MACROD2: variants seen among roughly 807,000 people sequenced by gnomAD.
MACROD2 encodes mono-ADP ribosylhydrolase 2.
In MACROD2, 36 loss-of-function variants were observed where a neutral mutation model predicts 70.4. The ratio of observed to expected loss-of-function variants is 0.51; its 90% CI spans 0.39 to 0.68. The LOEUF is 0.68. MACROD2 is among the 30% of genes least tolerant of loss of function. MACROD2 has a pLI of 0.00. For synonymous variants in MACROD2, 172 were observed against 178.8 expected, an observed-to-expected ratio of 0.96 and a Z score of 0.30; for missense variants, 496 against 538.4, an observed-to-expected ratio of 0.92 and a Z score of 0.78.
At chr20:15,419,705 G>A (rs896645338) in intron 6 of MACROD2, among the ~76,000 whole-genome samples, 5 of 152,100 alleles carry the variant, frequency 3.3e-5, no homozygotes, top group East Asian at 1.9e-4. Context: ...AATTTTCCTC[G>A]GGCTCTGCAC....
chr20:15,449,916 C>A lies in MACROD2; in HGVS notation c.571+18481C>A, dbSNP rs543304804. Among the ~76,000 whole-genome samples the A allele has an allele frequency of 2.0e-5, 3 of 152,264 alleles. No homozygotes were observed. In the South Asian group the frequency reaches 6.2e-4, roughly 32 times the overall value. On this transcript the variant is annotated intron_variant, in intron 7 of 17. Coordinates refer to ENST00000684519, the MANE Select transcript of MACROD2 (RefSeq NM_001351661.2). ...GCTGAGGCAGGAGAATTGCTTGAAC[C>A]TGGGAGGCAGAGGTTTCAGTGAGAG...
At chr20:14,924,881 G>A (rs2074210019) in intron 5 of MACROD2, among the ~76,000 whole-genome samples, 1 of 151,986 alleles carries the variant, frequency 6.6e-6, no homozygotes, top group Non-Finnish European at 1.5e-5. Context: ...TGAAAGGGAA[G>A]GTACAAATCT....
chr20:14,858,061 T>C (rs916229877), intron 5 of MACROD2, among the ~76,000 whole-genome samples: 2 of 152,190 alleles, frequency 1.3e-5, no homozygotes, highest in African/African-American at 4.8e-5. Flanking sequence ...TCTCAGGTGA[T>C]CCGCCTGCCT....
intron 3 of MACROD2, among the ~76,000 whole-genome samples, chr20:14,378,624 A>G (rs1213160017): frequency 6.6e-6 from 1 of 152,216 alleles, no homozygotes; most frequent in African/African-American, 2.4e-5. Flanking sequence ...AGTAGGTAAT[A>G]AAAGAGAGTT....
At chr20:14,546,483 A>G (rs1026610387) in intron 4 of MACROD2, among the ~76,000 whole-genome samples, 3 of 152,208 alleles carry the variant, frequency 2.0e-5, no homozygotes, top group Non-Finnish European at 4.4e-5. Flanking sequence ...AGAAGGGCCA[A>G]TATCCATCAT....
intron 6 of MACROD2, among the ~76,000 whole-genome samples, chr20:15,338,938 C>G (rs919736033): frequency 6.6e-6 from 1 of 151,816 alleles, no homozygotes; most frequent in African/African-American, 2.4e-5. Context: ...GAATGGTACA[C>G]TCTGTATATT....
intron 3 of MACROD2, among the ~76,000 whole-genome samples, chr20:14,248,776 C>A (rs2122261763): frequency 6.6e-6 from 1 of 152,110 alleles, no homozygotes; most frequent in East Asian, 1.9e-4. Context: ...TGGTCCCATG[C>A]ATTTCACCTA....
In MACROD2 at chr20:15,664,069, G is replaced by A. The variant is rs150360752; in HGVS notation, c.645+164222G>A. Among the ~76,000 whole-genome samples the A allele has an allele frequency of 3.0e-3, 464 of 152,314 alleles. 2 individuals carry two copies. The highest frequency in any genetic ancestry group is 0.016 in the Admixed American group (250 of 15,292). On this transcript the variant is annotated intron_variant, in intron 8 of 17. Coordinates refer to ENST00000684519, the MANE Select transcript of MACROD2 (RefSeq NM_001351661.2). ...TCTCTCTGTATGATAAATCATGAGT[G>A]TGATGCTTTGGCAATTTAGATCAGC...
In MACROD2 at chr20:14,584,465, G is replaced by GT. The variant is rs1384901621; in HGVS notation, c.301+90958dup. Among the ~76,000 whole-genome samples the GT allele has an allele frequency of 5.3e-5, 8 of 152,078 alleles. 1 individual carries two copies. The highest frequency in any genetic ancestry group is 1.7e-4 in the African/African-American group (7 of 41,408). ...AAGGTGTGGGCCAATTCAGTTTCTG[G>GT]TGAGGGCCCTCCCCCTAGTTTGCAG... On this transcript the variant is annotated intron_variant, in intron 4 of 17. Transcript: ENST00000684519.
chr20:14,072,766 C>G (rs1464861534), intron 2 of MACROD2, among the ~76,000 whole-genome samples: 1 of 151,890 alleles, frequency 6.6e-6, no homozygotes, highest in Non-Finnish European at 1.5e-5. Context: ...AACCCTGTCT[C>G]TACTAAAAAT....
intron 9 of MACROD2, among the ~76,000 whole-genome samples, chr20:15,869,291 A>C (rs972169962): frequency 1.4e-5 from 2 of 142,328 alleles, no homozygotes; most frequent in African/African-American, 2.5e-5. Context: ...AACTAATAAG[A>C]TAGGAAAATT....
chr20:15,748,634 G>A (rs1316506850), intron 8 of MACROD2, among the ~76,000 whole-genome samples: 2 of 152,108 alleles, frequency 1.3e-5, no homozygotes, highest in Admixed American at 6.6e-5. Flanking sequence ...TGAAACCCAT[G>A]TGTGCAGTAT....
At chr20:14,811,467 A>G (rs947427869) in intron 5 of MACROD2, among the ~76,000 whole-genome samples, 3 of 151,574 alleles carry the variant, frequency 2.0e-5, no homozygotes, top group Non-Finnish European at 4.4e-5. Context: ...AATGTAAACC[A>G]TAAAAAGCCC....
intron 5 of MACROD2, among the ~76,000 whole-genome samples, chr20:14,820,789 C>A (rs1275274291): frequency 1.3e-5 from 2 of 151,886 alleles, no homozygotes; most frequent in African/African-American, 2.4e-5. Context: ...TTTACTTACT[C>A]ATTCGTTGTG....
At chr20:14,092,584 A>G (rs566680684) in intron 3 of MACROD2, among the ~76,000 whole-genome samples, 1 of 152,214 alleles carries the variant, frequency 6.6e-6, no homozygotes, top group African/African-American at 2.4e-5. Context: ...TAGGCTCTTG[A>G]AAAGCTTTTT....
chr20:15,714,611 A>G (rs1428329950), intron 8 of MACROD2, among the ~76,000 whole-genome samples: 2 of 152,146 alleles, frequency 1.3e-5, no homozygotes, highest in Admixed American at 6.6e-5. Context: ...ATAGGGAAGC[A>G]CTCACTCTGA....
rs1019703753 is a variant in MACROD2, at chr20:15,653,810, G to A, written c.645+153963G>A. Among the ~76,000 whole-genome samples the A allele has an allele frequency of 3.9e-5, 6 of 152,180 alleles. 1 individual carries two copies. Among genetic ancestry groups the A allele is most frequent in the Non-Finnish European group, 1.5e-5 (1 of 68,008 alleles). ...GGGACTGACTATAAATCCCTATCCC[G>A]TATTCATACTGGAAAACTGGTAAGA... is the stretch of plus-strand genomic sequence containing the variant. On this transcript the variant is annotated intron_variant, in intron 8 of 17. Coordinates refer to ENST00000684519, the MANE Select transcript of MACROD2 (RefSeq NM_001351661.2).
intron 5 of MACROD2, among the ~76,000 whole-genome samples, chr20:14,862,602 TATAA>T (rs1430628203): frequency 4.1e-4 from 15 of 36,712 alleles, no homozygotes; most frequent in African/African-American, 1.5e-3. Context: ...TATATATAAA[TATAA>T]ATATATATAA....
intron 8 of MACROD2, among the ~76,000 whole-genome samples, chr20:15,846,451 A>G (rs2064231946): frequency 6.6e-6 from 1 of 152,218 alleles, no homozygotes; most frequent in African/African-American, 2.4e-5. Context: ...AAGGCAGCAC[A>G]CACTTTTATT....
Sources: allele counts gnomAD v4.1 joint callset (sites outside exome capture counted in the v4.1 genomes callset), GRCh38; gene constraint gnomAD v4.1.1; transcripts MANE v1.5; gene names NCBI Gene and HGNC (gene_info 2026-07-23, HGNC 2026-07-21).